Variants in SCFD2 observed in about 807,000 individuals in gnomAD.
SCFD2 encodes the protein sec1 family domain-containing protein 2.
Under a neutral mutation model 58.9 loss-of-function variants are expected in SCFD2, and 54 were observed. The ratio of observed to expected loss-of-function variants is 0.92; its 90% CI spans 0.74 to 1.15. SCFD2 has a LOEUF of 1.15. Among genes scored for constraint, SCFD2 ranks in the 50% most tolerant of loss-of-function variants. The pLI, the probability that SCFD2 is intolerant of heterozygous loss-of-function variation, is 0.00. For missense variants in SCFD2, 805 were observed against 836.6 expected (o/e 0.96, Z 0.47); for synonymous variants, 321 against 335.9 (o/e 0.96, Z 0.49).
intron 7 of SCFD2, among the ~76,000 whole-genome samples, chr4:52,891,517 G>A (rs1202697895): frequency 6.6e-6 from 1 of 152,248 alleles, no homozygotes; most frequent in African/African-American, 2.4e-5. Context: ...TTTGTCCAAA[G>A]CGGCTGAACT....
intron 3 of SCFD2, among the ~76,000 whole-genome samples, chr4:53,292,813 A>G (rs1421470749): frequency 3.3e-5 from 5 of 152,154 alleles, no homozygotes; most frequent in Non-Finnish European, 5.9e-5. Context: ...ATGTCCATCA[A>G]TGGTAGACTG....
At chr4:53,020,587 G>A (rs939605915) in intron 5 of SCFD2, among the ~76,000 whole-genome samples, 1 of 152,082 alleles carries the variant, frequency 6.6e-6, no homozygotes, top group African/African-American at 2.4e-5. Flanking sequence ...CCTGAAACAA[G>A]TTATCCTGTG....
intron 3 of SCFD2, among the ~76,000 whole-genome samples, chr4:53,307,393 T>C (rs764212119): frequency 6.6e-6 from 1 of 152,212 alleles, no homozygotes; most frequent in African/African-American, 2.4e-5. Context: ...TGTAGCTCTG[T>C]AGACACTACC....
chr4:52,960,829 C>T (rs932291093), intron 5 of SCFD2, among the ~76,000 whole-genome samples: 2 of 152,102 alleles, frequency 1.3e-5, no homozygotes, highest in African/African-American at 2.4e-5. Context: ...GTTCCAGTTG[C>T]TATGAGGAAA....
chr4:53,056,403 T>C (rs919138802), intron 5 of SCFD2, among the ~76,000 whole-genome samples: 4 of 152,136 alleles, frequency 2.6e-5, no homozygotes, highest in African/African-American at 9.7e-5. Context: ...GTCTCAAAAA[T>C]GGTAATGTGA....
At chr4:53,318,719 A>G (rs1732935869) in intron 2 of SCFD2, among the ~76,000 whole-genome samples, 1 of 151,904 alleles carries the variant, frequency 6.6e-6, no homozygotes, top group Non-Finnish European at 1.5e-5. Flanking sequence ...GGCCCACCCT[A>G]AAAGAGTTGT....
chr4:53,174,665 G>A (rs1727275473), intron 4 of SCFD2, among the ~76,000 whole-genome samples: 1 of 152,142 alleles, frequency 6.6e-6, no homozygotes, highest in African/African-American at 2.4e-5. Context: ...GCACAGGGAA[G>A]AATGGAAAGA....
chr4:53,124,865 C>T (rs965038685), intron 5 of SCFD2, among the ~76,000 whole-genome samples: 2 of 152,138 alleles, frequency 1.3e-5, no homozygotes, highest in African/African-American at 4.8e-5. Context: ...ACAGTCACTG[C>T]TCTCAAGGAA....
At chr4:53,273,763 G>C in intron 4 of SCFD2, 63 bp downstream of exon 4, 1 of 1,405,992 alleles carries the variant, frequency 7.1e-7, no homozygotes, top group Non-Finnish European at 9.7e-7. Context: ...AAATGTCAAG[G>C]TTTTTCTCTG....
intron 5 of SCFD2, among the ~76,000 whole-genome samples, chr4:53,000,393 T>C (rs1248162397): frequency 6.6e-6 from 1 of 152,170 alleles, no homozygotes; most frequent in Non-Finnish European, 1.5e-5. Context: ...TCGGCCCACA[T>C]TCCAACTCAG....
At chr4:52,940,393 A>C (rs1228179444) in intron 5 of SCFD2, among the ~76,000 whole-genome samples, 2 of 152,190 alleles carry the variant, frequency 1.3e-5, no homozygotes, top group South Asian at 4.1e-4. Flanking sequence ...TCCTGAGTGG[A>C]AATGTCAGAG....
intron 4 of SCFD2, among the ~76,000 whole-genome samples, chr4:53,206,478 ATGAC>A (rs1337189238): frequency 2.0e-5 from 3 of 152,080 alleles, no homozygotes; most frequent in Non-Finnish European, 2.9e-5. Flanking sequence ...AGAAAGAACT[ATGAC>A]TGTTTACCAA....
chr4:53,306,886 G>A (rs1226496696), intron 3 of SCFD2, among the ~76,000 whole-genome samples: 1 of 152,236 alleles, frequency 6.6e-6, no homozygotes, highest in African/African-American at 2.4e-5. Context: ...CAGGAAAGAT[G>A]TGCATTTTTG....
Position 53,313,637 on chromosome 4 carries a change from C to T in SCFD2, c.1134G>A (p.Met378Ile). The T allele has an allele frequency of 6.2e-7, 1 of 1,613,872 alleles. No homozygotes were observed. Among genetic ancestry groups the T allele is most frequent in the Non-Finnish European group, 8.5e-7 (1 of 1,179,846 alleles). The change falls in exon 3 of 9, where the codon ATG (methionine) becomes ATA (isoleucine). Residue 378 changes from methionine to isoleucine, a missense_variant and splice_region_variant. By Grantham distance (10) the Met-to-Ile change is conservative. Coordinates refer to ENST00000401642, the MANE Select transcript of SCFD2 (RefSeq NM_152540.4). The stretch of plus-strand genomic sequence containing the variant: ...CCTGTGTCCTAGGTTTAGGCTTACC[C>T]ATACTCATCTTGATTGGCAGGTTTT... ...SRENLPIKMS[M>I]GRVTPGQLMS...
At chr4:53,256,879 G>A (rs1577905911) in intron 4 of SCFD2, among the ~76,000 whole-genome samples, 1 of 140,442 alleles carries the variant, frequency 7.1e-6, no homozygotes, top group Non-Finnish European at 1.6e-5. Flanking sequence ...GGGAGACCGT[G>A]GGGAGAGGGA....
At chr4:53,313,910 G>A (rs1309259840) in intron 2 of SCFD2, 147 bp from the exon 3 acceptor site, 10 of 630,236 alleles carry the variant, frequency 1.6e-5, no homozygotes, top group African/African-American at 1.5e-4. Flanking sequence ...ATTAAATAAA[G>A]AATGTCTAAT....
chr4:52,952,757 A>G (rs1720629621), intron 5 of SCFD2, among the ~76,000 whole-genome samples: 1 of 152,170 alleles, frequency 6.6e-6, no homozygotes, highest in East Asian at 1.9e-4. Context: ...AGATAAGGGG[A>G]CACATGTTGG....
intron 4 of SCFD2, among the ~76,000 whole-genome samples, chr4:53,185,783 C>T (rs772312053): frequency 6.6e-6 from 1 of 151,826 alleles, no homozygotes; most frequent in Non-Finnish European, 1.5e-5. Context: ...TAATTAGTAG[C>T]CAATGAACAA....
At chr4:53,139,525 G>A (rs7692642) in intron 5 of SCFD2, among the ~76,000 whole-genome samples, 7 of 86,006 alleles carry the variant, frequency 8.1e-5, no homozygotes, top group African/African-American at 1.7e-4. Flanking sequence ...CCCTCTGCCC[G>A]GCAGCTGCCC....
Sources: gnomAD v4.1 joint callset for allele counts (sites outside exome capture counted in the v4.1 genomes callset) on GRCh38, gnomAD v4.1.1 for gene constraint, MANE v1.5 for transcripts, NCBI Gene and HGNC (gene_info 2026-07-23, HGNC 2026-07-21) for gene names.